ZCCHC14: variants seen among roughly 807,000 people sequenced by gnomAD.
ZCCHC14 encodes zinc finger CCHC domain-containing protein 14.
In ZCCHC14, 16 loss-of-function variants were observed where a neutral mutation model predicts 85.0. The ratio of observed to expected loss-of-function variants is 0.19; its 90% CI spans 0.13 to 0.29. ZCCHC14 has a LOEUF of 0.29. Among genes scored for constraint, ZCCHC14 ranks in the 10% least tolerant of loss-of-function variants. The pLI is 1.00. For missense variants in ZCCHC14, 1,303 were observed against 1,443.5 expected (o/e 0.90, Z 1.58); for synonymous variants, 775 against 630.7 (o/e 1.23, Z -3.43).
intron 3 of ZCCHC14, among the ~76,000 whole-genome samples, chr16:87,430,181 T>G (rs1455309994): frequency 6.6e-6 from 1 of 152,188 alleles, no homozygotes; most frequent in Non-Finnish European, 1.5e-5. Context: ...TGTTTTGGGT[T>G]TACATTTAGG....
intron 11 of ZCCHC14, 27 bp from the exon 12 acceptor site, chr16:87,413,003 T>G (rs1343644453): frequency 6.2e-7 from 1 of 1,613,976 alleles, no homozygotes; most frequent in Admixed American, 1.7e-5. Flanking sequence ...GAGTGGTCAG[T>G]GCCATTCCAC....
At chr16:87,451,387 G>A (rs999189608) in intron 2 of ZCCHC14, among the ~76,000 whole-genome samples, 14 of 150,956 alleles carry the variant, frequency 9.3e-5, no homozygotes, top group African/African-American at 2.0e-4. Flanking sequence ...AAGTAGAAGC[G>A]GGGTTTCACC....
At chr16:87,455,813 C>T (rs930874267) in intron 2 of ZCCHC14, among the ~76,000 whole-genome samples, 6 of 152,190 alleles carry the variant, frequency 3.9e-5, no homozygotes, top group African/African-American at 1.4e-4. Context: ...TTTCCACTTT[C>T]AGTACAGACT....
At chr16:87,489,453 C>T (rs1912653425) in intron 1 of ZCCHC14, among the ~76,000 whole-genome samples, 1 of 152,172 alleles carries the variant, frequency 6.6e-6, no homozygotes, top group African/African-American at 2.4e-5. Context: ...GTTAGCAAAC[C>T]TCTATAAAAA....
In ZCCHC14 at chr16:87,412,111, C is replaced by G; in HGVS notation, c.2610G>C (p.Pro870=). 6.2e-7 allele frequency: 1 copy of G among 1,613,542 alleles called. No individual in the cohort carries two copies. Among genetic ancestry groups the G allele is most frequent in the South Asian group, 1.1e-5 (1 of 91,082 alleles). Residue 870 remains proline (P), a synonymous_variant, in exon 12 of 13, where the codon CCG becomes CCC. Coordinates refer to ENST00000671377, the MANE Select transcript of ZCCHC14 (RefSeq NM_015144.3). ...LPSCPAPSSS[P]ALSSVPESSF... is the part of the protein sequence containing the mutation. ...TGCTTTCAGGGACGGAGGACAGCGC[C>G]GGGCTGGAGCTGGGGGCTGGGCAGC...
chr16:87,449,289 A>G (rs550229542), intron 2 of ZCCHC14, among the ~76,000 whole-genome samples: 1 of 152,312 alleles, frequency 6.6e-6, no homozygotes, highest in East Asian at 1.9e-4. Flanking sequence ...AAAACCTCAT[A>G]AAAACAATTG....
At chr16:87,414,118 G>A (rs1225023693) in intron 10 of ZCCHC14, among the ~76,000 whole-genome samples, 3 of 136,330 alleles carry the variant, frequency 2.2e-5, no homozygotes, top group South Asian at 2.2e-4. Context: ...CCGGCACACC[G>A]GCCCTCTCTG....
rs188851128 is a variant in ZCCHC14, at chr16:87,491,483, A to G, written c.570+186T>C. On this transcript the variant is annotated intron_variant, in intron 1 of 12. Coordinates refer to ENST00000671377, the MANE Select transcript of ZCCHC14 (RefSeq NM_015144.3). The surrounding 1 kb of genome is among the most constrained non-coding windows in gnomAD (Gnocchi z 5.9). The stretch of plus-strand genomic sequence containing the variant: ...GGGGCACACATTTGGGGTGCGACAT[A>G]GAGGCTTAGGATGGGGCTTGGGATA... Among the ~76,000 whole-genome samples the G allele has an allele frequency of 1.7e-3, 256 of 151,482 alleles. 5 individuals are homozygous for G. In the East Asian group the frequency reaches 0.027, roughly 16 times the overall value.
At chr16:87,429,763 C>A (rs549103141) in intron 3 of ZCCHC14, among the ~76,000 whole-genome samples, 4 of 152,212 alleles carry the variant, frequency 2.6e-5, no homozygotes, top group Non-Finnish European at 4.4e-5. Context: ...CCAGCTACCA[C>A]GCCTGGCTAA....
intron 4 of ZCCHC14, among the ~76,000 whole-genome samples, chr16:87,421,464 C>T (rs1321066232): frequency 3.3e-5 from 5 of 152,104 alleles, no homozygotes; most frequent in Admixed American, 3.3e-4. Flanking sequence ...CAGCTCCTGC[C>T]GGGGAGGGCA....
chr16:87,433,299 C>G lies in ZCCHC14; in HGVS notation c.695-98G>C, dbSNP rs537092138. 2.6e-6 allele frequency: 3 copies of G among 1,161,232 alleles called. No individual in the cohort carries two copies. In the South Asian group the frequency reaches 4.1e-5, roughly 16 times the overall value. 71.9% of individuals were successfully genotyped at this position (1,161,232 alleles called of 1,614,324 possible). On this transcript the variant is annotated intron_variant, in intron 2 of 12. Transcript: ENST00000671377. ...ATTCAGCAGTTTTCAAAACCAGGTTCTCAGCACCCAAGGCTGTCCTGTCAC... is the reference window on the plus strand; with the variant it reads ...ATTCAGCAGTTTTCAAAACCAGGTTGTCAGCACCCAAGGCTGTCCTGTCAC...
At chr16:87,478,408 A>G (rs1276766655) in intron 1 of ZCCHC14, among the ~76,000 whole-genome samples, 1 of 152,208 alleles carries the variant, frequency 6.6e-6, no homozygotes, top group African/African-American at 2.4e-5. Context: ...GGTGCAGAGA[A>G]GGTTGGAACC....
At chr16:87,428,849 A>G (rs1391558493) in intron 3 of ZCCHC14, among the ~76,000 whole-genome samples, 1 of 152,244 alleles carries the variant, frequency 6.6e-6, no homozygotes, top group Non-Finnish European at 1.5e-5. Flanking sequence ...ATTCGTGCAT[A>G]TGGCTGAGTA....
chr16:87,440,027 G>T (rs1169815152), intron 2 of ZCCHC14, among the ~76,000 whole-genome samples: 1 of 152,012 alleles, frequency 6.6e-6, no homozygotes, highest in Non-Finnish European at 1.5e-5. Flanking sequence ...GGCTGCGCTC[G>T]AACTCCAGGG....
chr16:87,475,595 A>G (rs1389213390), intron 1 of ZCCHC14, among the ~76,000 whole-genome samples: 1 of 151,886 alleles, frequency 6.6e-6, no homozygotes, highest in Non-Finnish European at 1.5e-5. Flanking sequence ...AGAACTAAAA[A>G]ATGCTATTTC....
At chr16:87,445,148 C>A (rs1321516666) in intron 2 of ZCCHC14, among the ~76,000 whole-genome samples, 1 of 151,636 alleles carries the variant, frequency 6.6e-6, no homozygotes, top group Non-Finnish European at 1.5e-5. Flanking sequence ...CTCACTGCAA[C>A]CTCTGCCTCC....
rs770055625 is a variant in ZCCHC14 at position 87,411,614 on chromosome 16, C to T, written c.3107G>A (p.Ser1036Asn). ...QGLVGSSNGS[S>N]HKKSGNLSCY... Reference sequence around the variant, plus strand: ...AGATAGGTTCCCGCTCTTTTTGTGACTGGAACCATTGCTACTGCCCACCAG... The same window carrying T: ...AGATAGGTTCCCGCTCTTTTTGTGATTGGAACCATTGCTACTGCCCACCAG... Residue 1036 changes from serine (S) to asparagine (N), a missense_variant, in exon 12 of 13, where the codon AGT becomes AAT. Coordinates refer to ENST00000671377, the MANE Select transcript of ZCCHC14 (RefSeq NM_015144.3). The T allele has an allele frequency of 6.2e-7, 1 of 1,613,972 alleles. No homozygotes were observed. Among genetic ancestry groups the T allele is most frequent in the Admixed American group, 1.7e-5 (1 of 60,036 alleles).
chr16:87,442,024 G>T (rs142532232), intron 2 of ZCCHC14, among the ~76,000 whole-genome samples: 1 of 152,360 alleles, frequency 6.6e-6, no homozygotes, highest in East Asian at 1.9e-4. Flanking sequence ...TAAAGCCCCA[G>T]CTTTCTGGCT....
intron 1 of ZCCHC14, chr16:87,470,388 T>C (rs926391577): frequency 3.3e-5 from 5 of 152,122 alleles, no homozygotes; most frequent in African/African-American, 1.2e-4. Context: ...TGAATAATTA[T>C]TTAATTACTT....
Sources: gnomAD v4.1 joint callset for allele counts (sites outside exome capture counted in the v4.1 genomes callset) on GRCh38, gnomAD v4.1.1 for gene constraint, Gnocchi (gnomAD v3.1) non-coding constraint, MANE v1.5 for transcripts, NCBI Gene and HGNC (gene_info 2026-07-23, HGNC 2026-07-21) for gene names.